The following PREX1 variants were observed in gnomAD, a reference collection of about 807,000 sequenced individuals.
The protein encoded by PREX1 is phosphatidylinositol 3,4,5-trisphosphate-dependent Rac exchanger 1 protein.
In PREX1, 41 loss-of-function variants were observed where a neutral mutation model predicts 198.3. That is an observed-to-expected ratio of 0.21 (90% CI 0.16 to 0.27). PREX1 has a LOEUF of 0.27. Ranked by LOEUF, PREX1 falls within the 10% of genes least tolerant of loss-of-function variation. The pLI, the probability that PREX1 is intolerant of heterozygous loss-of-function variation, is 1.00. For missense variants in PREX1, 1,620 were observed against 2,200.7 expected (o/e 0.74, Z 5.28); for synonymous variants, 843 against 887.2 (o/e 0.95, Z 0.89).
At chr20:48,630,686 C>A (rs1228916485) in intron 36 of PREX1, 42 bp downstream of exon 36, 3 of 1,519,026 alleles carry the variant, frequency 2.0e-6, no homozygotes, top group Admixed American at 3.4e-5. Context: ...GAGCGCCCCA[C>A]CCTGCCCAAG....
upstream of PREX1, among the ~76,000 whole-genome samples, chr20:48,828,389 A>T (rs572798251): frequency 8.0e-4 from 122 of 152,116 alleles, no homozygotes; most frequent in Admixed American, 1.7e-3. Context: ...CGCCGCGCGC[A>T]GGCTCCTGCT....
In PREX1 at chr20:48,652,711, C is replaced by A; in HGVS notation, c.2347-5G>T. On this transcript the variant is annotated splice_region_variant and splice_polypyrimidine_tract_variant and intron_variant, in intron 20 of 39. Coordinates refer to ENST00000371941, the MANE Select transcript of PREX1 (RefSeq NM_020820.4). ...GTAGATCCACTGGTACAGGCCCTGC[C>A]AGAAGCCAGAGTAAGGGGACAGCCA... The A allele has an allele frequency of 6.2e-7, 1 of 1,610,630 alleles. No homozygotes were observed. The highest frequency in any genetic ancestry group is 8.5e-7 in the Non-Finnish European group (1 of 1,178,110).
intron 4 of PREX1, among the ~76,000 whole-genome samples, chr20:48,728,867 A>G (rs563088226): frequency 2.6e-5 from 4 of 152,316 alleles, no homozygotes; most frequent in African/African-American, 9.6e-5. Flanking sequence ...ACACACACAG[A>G]GCTAGCATTC....
chr20:48,768,711 G>GT (rs2090220305), intron 1 of PREX1, among the ~76,000 whole-genome samples: 1 of 151,924 alleles, frequency 6.6e-6, no homozygotes, highest in African/African-American at 2.4e-5. Flanking sequence ...GGAGACAGAG[G>GT]TTGCAGTGAG....
At chr20:48,655,407 C>A in intron 18 of PREX1, 32 bp from the exon 19 acceptor site, 1 of 1,447,398 alleles carries the variant, frequency 6.9e-7, no homozygotes, top group Non-Finnish European at 9.3e-7. Flanking sequence ...GGGAAAAAGG[C>A]CATGAGGAAA....
At chr20:48,717,742 G>A (rs552721963) in intron 5 of PREX1, among the ~76,000 whole-genome samples, 15 of 152,306 alleles carry the variant, frequency 9.8e-5, no homozygotes, top group South Asian at 4.1e-4. Flanking sequence ...AATAATGCTC[G>A]TGGGTTTTAA....
chr20:48,882,525 A>AAAAGAG, the PREX1 span, among the ~76,000 whole-genome samples: 1 of 97,814 alleles, frequency 1.0e-5, no homozygotes, highest in Non-Finnish European at 2.0e-5. Context: ...AAAAAAAAAA[A>AAAAGAG]AGAGAGAATC....
At chr20:48,663,177 A>T (rs1323834899) in intron 15 of PREX1, among the ~76,000 whole-genome samples, 1 of 152,164 alleles carries the variant, frequency 6.6e-6, no homozygotes, top group Non-Finnish European at 1.5e-5. Flanking sequence ...ACAGGAGGGG[A>T]ATGCAAGGCC....
intron 14 of PREX1, among the ~76,000 whole-genome samples, chr20:48,671,620 A>C (rs569566551): frequency 6.6e-6 from 1 of 152,342 alleles, no homozygotes; most frequent in East Asian, 1.9e-4. Flanking sequence ...CTCCCGCCCT[A>C]CACAATTATG....
At chr20:48,677,853 G>GAATTTC (rs2089720019) in intron 13 of PREX1, among the ~76,000 whole-genome samples, 1 of 151,802 alleles carries the variant, frequency 6.6e-6, no homozygotes, top group Admixed American at 6.6e-5. Context: ...AGGCATGGTG[G>GAATTTC]TGCATGCCTG....
intron 1 of PREX1, among the ~76,000 whole-genome samples, chr20:48,781,522 C>T (rs190853539): frequency 1.3e-5 from 2 of 152,258 alleles, no homozygotes; most frequent in African/African-American, 4.8e-5. Flanking sequence ...ACAGCTGACA[C>T]CCCACTCCTC....
intron 1 of PREX1, among the ~76,000 whole-genome samples, chr20:48,776,509 G>A (rs2090262770): frequency 6.6e-6 from 1 of 152,224 alleles, no homozygotes; most frequent in Non-Finnish European, 1.5e-5. Flanking sequence ...CAGAGGGGGA[G>A]TCCACGGGGC....
chr20:48,840,325 G>T, the PREX1 span, among the ~76,000 whole-genome samples: 2 of 138,568 alleles, frequency 1.4e-5, no homozygotes, highest in Non-Finnish European at 3.1e-5. Flanking sequence ...ACGACGGCAA[G>T]TATTAACCTT....
chr20:48,641,281 C>T (rs2122858913), intron 29 of PREX1, among the ~76,000 whole-genome samples: 1 of 152,336 alleles, frequency 6.6e-6, no homozygotes. Context: ...TGGCAGGCAA[C>T]AGTGCCTAAC....
rs759809392 is a variant in PREX1, at chr20:48,692,643, G to C, written c.1036+29C>G. ...CAGGGAGCAGGCAGGGCTCAGGCAG[G>C]GCTCAGGCAAGGCTGGGGGAGGGGC... is the stretch of plus-strand genomic sequence containing the variant. On this transcript the variant is annotated intron_variant, in intron 8 of 39. Transcript: ENST00000371941. The C allele has an allele frequency of 2.5e-6, 4 of 1,574,848 alleles. No homozygotes were observed. The South Asian group carries it at 4.4e-5, about 17-fold the overall frequency.
chr20:48,848,428 T>G, the PREX1 span, among the ~76,000 whole-genome samples: 7 of 152,086 alleles, frequency 4.6e-5, no homozygotes, highest in East Asian at 1.4e-3. Context: ...CTAATTTTTA[T>G]ATTTTTTTTG....
chr20:48,652,413 C>G (rs2089505961), intron 21 of PREX1, among the ~76,000 whole-genome samples, 173 bp downstream of exon 21: 2 of 151,850 alleles, frequency 1.3e-5, no homozygotes. Flanking sequence ...ACACTCCAGC[C>G]TGGGTGACAG....
chr20:48,796,056 C>A (rs1233627750), intron 1 of PREX1, among the ~76,000 whole-genome samples: 1 of 152,148 alleles, frequency 6.6e-6, no homozygotes, highest in African/African-American at 2.4e-5. Flanking sequence ...ACCAGGAACA[C>A]GAAGGGGTAG....
rs564044204 is a variant in PREX1, at chr20:48,632,638, G to A, written c.4269C>T (p.Asn1423=). Residue 1423 remains asparagine, a splice_region_variant and synonymous_variant, in exon 34 of 40, where the codon AAC becomes AAT. Transcript: ENST00000371941. The part of the protein sequence containing the change: ...FKQLDENYVA[N]TNVFYHIEGS... ...CCTCAATGTGGTAGAAGACGTTGGT[G>A]TCTGCGGAAGGATATGGGGCAGGAT... 16 of 1,613,640 alleles carry A rather than the reference G, an allele frequency of 9.9e-6. 1 individual carries two copies. The African/African-American group carries it at 2.0e-4, about 20-fold the overall frequency.
Sources: allele counts gnomAD v4.1 joint callset (sites outside exome capture counted in the v4.1 genomes callset), GRCh38; gene constraint gnomAD v4.1.1; transcripts MANE v1.5; gene names NCBI Gene and HGNC (gene_info 2026-07-23, HGNC 2026-07-21).